Variants in TAMM41 observed in about 807,000 individuals in gnomAD.
The protein encoded by TAMM41 is TAM41 mitochondrial translocator assembly and maintenance homolog.
TAMM41 carries 36 observed loss-of-function variants against 44.1 expected under a neutral mutation model. The ratio of observed to expected loss-of-function variants is 0.82; its 90% CI spans 0.63 to 1.08. TAMM41 has a LOEUF of 1.08. Ranked by LOEUF, TAMM41 falls within the 50% of genes least tolerant of loss-of-function variation. The pLI is 0.00. For synonymous variants in TAMM41, 164 were observed against 153.1 expected, an observed-to-expected ratio of 1.07 and a Z score of -0.53; for missense variants, 417 against 404.3, an observed-to-expected ratio of 1.03 and a Z score of -0.27.
chr3:11,829,958 T>G, intron 3 of TAMM41, 94 bp from the exon 4 acceptor site: 11 of 1,257,692 alleles, frequency 8.7e-6, no homozygotes, highest in African/African-American at 1.5e-5. Context: ...TCAAACTCTC[T>G]TCCCACTGAA....
chr3:11,756,585 G>A, the TAMM41 span, among the ~76,000 whole-genome samples: 1 of 152,188 alleles, frequency 6.6e-6, no homozygotes, highest in Admixed American at 6.6e-5. Flanking sequence ...GTCTTCTGGG[G>A]CCAGGTGTGG....
chr3:11,765,892 G>C, the TAMM41 span, among the ~76,000 whole-genome samples: 1 of 151,986 alleles, frequency 6.6e-6, no homozygotes, highest in Non-Finnish European at 1.5e-5. Flanking sequence ...AGTAGAGACT[G>C]GGTTTCGCCA....
At chr3:11,724,396 C>T in the TAMM41 span, among the ~76,000 whole-genome samples, 1 of 149,822 alleles carries the variant, frequency 6.7e-6, no homozygotes, top group South Asian at 2.1e-4. Flanking sequence ...AGCCACCGCA[C>T]CTGGCCTATT....
the TAMM41 span, among the ~76,000 whole-genome samples, chr3:11,763,039 A>T: frequency 2.7e-5 from 4 of 147,776 alleles, no homozygotes; most frequent in African/African-American, 1.1e-4. Flanking sequence ...ACTCTGTCTC[A>T]AAAAAAATAA....
At chr3:11,808,644 T>C (rs982823378) in intron 6 of TAMM41, 27 of 982,282 alleles carry the variant, frequency 2.7e-5, no homozygotes, top group Non-Finnish European at 3.3e-5. Flanking sequence ...ATTTCATAAA[T>C]ATTTCTTGAT....
chr3:11,816,464 C>A (rs1018473986), intron 5 of TAMM41, among the ~76,000 whole-genome samples: 1 of 152,140 alleles, frequency 6.6e-6, no homozygotes, highest in Non-Finnish European at 1.5e-5. Flanking sequence ...GTGAAAAGAT[C>A]TGGAAGAACA....
intron 3 of TAMM41, among the ~76,000 whole-genome samples, chr3:11,836,462 T>C (rs970295854): frequency 5.3e-5 from 8 of 152,172 alleles, no homozygotes; most frequent in Admixed American, 3.9e-4. Context: ...CTATATATTA[T>C]GTTTTTGTTT....
At chr3:11,747,028 G>C in the TAMM41 span, among the ~76,000 whole-genome samples, 1 of 152,162 alleles carries the variant, frequency 6.6e-6, no homozygotes, top group Non-Finnish European at 1.5e-5. Context: ...ACCTGGAATA[G>C]GGCTTAGGAG....
chr3:11,819,821 T>C (rs2078441678), intron 4 of TAMM41, among the ~76,000 whole-genome samples: 1 of 152,102 alleles, frequency 6.6e-6, no homozygotes, highest in African/African-American at 2.4e-5. Flanking sequence ...AATGCTTATT[T>C]TTGCTCTAAT....
intron 5 of TAMM41, among the ~76,000 whole-genome samples, chr3:11,813,525 A>G (rs1377899090): frequency 6.6e-6 from 1 of 152,082 alleles, no homozygotes; most frequent in Non-Finnish European, 1.5e-5. Flanking sequence ...GAAAGACTCC[A>G]TCTCAAAAAA....
At chr3:11,761,422 C>T in the TAMM41 span, among the ~76,000 whole-genome samples, 3 of 152,082 alleles carry the variant, frequency 2.0e-5, no homozygotes, top group East Asian at 5.8e-4. Context: ...CCTGTGGCTC[C>T]TAGTCCAGAA....
the TAMM41 span, among the ~76,000 whole-genome samples, chr3:11,748,911 ATTTTTT>A: frequency 1.6e-3 from 188 of 119,128 alleles, 4 homozygotes; most frequent in Admixed American, 0.017. Context: ...TGGGAAGTAG[ATTTTTT>A]TTTTTTTTTT....
chr3:11,821,674 G>A lies in TAMM41; in HGVS notation c.563-4337C>T, dbSNP rs1160145067. On this transcript the variant is annotated intron_variant, in intron 4 of 7. Transcript: ENST00000455809. ...CTTATGATATGTATATAGCATAGTC[G>A]AAGGATGGAGGGTAGAGGAAGCGCT... Among the ~76,000 whole-genome samples, 4 of 152,194 alleles carry A rather than the reference G, an allele frequency of 2.6e-5. No individual in the cohort carries two copies. The East Asian group carries it at 7.7e-4, about 29-fold the overall frequency.
At chr3:11,820,823 A>G (rs1445096231) in intron 4 of TAMM41, among the ~76,000 whole-genome samples, 1 of 152,340 alleles carries the variant, frequency 6.6e-6, no homozygotes, top group African/African-American at 2.4e-5. Flanking sequence ...ATAGGCATCC[A>G]AAAGGATTTC....
chr3:11,723,849 A>G, the TAMM41 span, among the ~76,000 whole-genome samples: 1 of 152,098 alleles, frequency 6.6e-6, no homozygotes, highest in Non-Finnish European at 1.5e-5. Flanking sequence ...CAAGGATTTT[A>G]TAAATGCGCC....
At chr3:11,827,167 T>C (rs2078785894) in intron 4 of TAMM41, among the ~76,000 whole-genome samples, 1 of 152,234 alleles carries the variant, frequency 6.6e-6, no homozygotes, top group Admixed American at 6.5e-5. Context: ...TTGCCTAAAA[T>C]TAGTCATTTT....
At chr3:11,828,075 C>T (rs115673771) in intron 4 of TAMM41, among the ~76,000 whole-genome samples, 2 of 152,154 alleles carry the variant, frequency 1.3e-5, no homozygotes, top group Non-Finnish European at 2.9e-5. Flanking sequence ...CTCAGGGCTT[C>T]GGAGATTTGG....
the TAMM41 span, among the ~76,000 whole-genome samples, chr3:11,749,929 G>A: frequency 6.9e-6 from 1 of 145,010 alleles, no homozygotes; most frequent in East Asian, 2.0e-4. Context: ...ACGGAGTCTT[G>A]CTCTGTTGCC....
the TAMM41 span, among the ~76,000 whole-genome samples, chr3:11,754,279 C>G: frequency 0.57 from 85,961 of 151,922 alleles, 24,630 homozygotes; most frequent in African/African-American, 0.65. Context: ...GACCCACTAC[C>G]CAGGCATCTA....
Sources: allele counts gnomAD v4.1 joint callset (sites outside exome capture counted in the v4.1 genomes callset), GRCh38; gene constraint gnomAD v4.1.1; transcripts MANE v1.5; gene names NCBI Gene and HGNC (gene_info 2026-07-23, HGNC 2026-07-21).